The following RBFOX1 variants were observed in gnomAD, a reference collection of about 807,000 sequenced individuals.
RBFOX1 encodes the protein RNA binding protein fox-1 homolog 1.
Under a neutral mutation model 57.7 loss-of-function variants are expected in RBFOX1, and 8 were observed. The ratio of observed to expected loss-of-function variants is 0.14; its 90% CI spans 0.08 to 0.25. The LOEUF is 0.25. Among genes scored for constraint, RBFOX1 ranks in the 10% least tolerant of loss-of-function variants. The pLI is 1.00. For synonymous variants in RBFOX1, 326 were observed against 222.4 expected, an observed-to-expected ratio of 1.47 and a Z score of -4.15; for missense variants, 611 against 548.5, an observed-to-expected ratio of 1.11 and a Z score of -1.14.
intron 3 of RBFOX1, among the ~76,000 whole-genome samples, chr16:5,857,650 T>G (rs969356027): frequency 1.3e-5 from 2 of 152,136 alleles, no homozygotes; most frequent in African/African-American, 4.8e-5. Flanking sequence ...TACCTATTTT[T>G]TCCATTATAG....
chr16:6,996,385 A>G (rs1230939853), intron 3 of RBFOX1, among the ~76,000 whole-genome samples: 1 of 152,096 alleles, frequency 6.6e-6, no homozygotes, highest in East Asian at 1.9e-4. Context: ...GTGCATATAA[A>G]CATGTATGTG....
intron 3 of RBFOX1, among the ~76,000 whole-genome samples, chr16:6,941,863 G>C (rs942320504): frequency 6.6e-6 from 1 of 152,066 alleles, no homozygotes; most frequent in South Asian, 2.1e-4. Flanking sequence ...CTGGAGTGCA[G>C]TAAGTGCAAT....
At chr16:6,821,419 C>A (rs935684602) in intron 3 of RBFOX1, among the ~76,000 whole-genome samples, 9 of 152,162 alleles carry the variant, frequency 5.9e-5, no homozygotes, top group African/African-American at 1.7e-4. Flanking sequence ...TAACTGATAT[C>A]AATTATTTTT....
chr16:6,848,873 A>C (rs1419479847), intron 3 of RBFOX1, among the ~76,000 whole-genome samples: 1 of 152,188 alleles, frequency 6.6e-6, no homozygotes, highest in South Asian at 2.1e-4. Context: ...GTATTTCCTC[A>C]GGTGTCAAAG....
chr16:7,014,059 A>C (rs559615502), intron 3 of RBFOX1, among the ~76,000 whole-genome samples: 30 of 152,348 alleles, frequency 2.0e-4, no homozygotes, highest in Non-Finnish European at 3.8e-4. Flanking sequence ...GTATTCACTC[A>C]GTATATTAAA....
chr16:5,456,734 C>T (rs1328108178), intron 1 of RBFOX1, among the ~76,000 whole-genome samples: 1 of 152,188 alleles, frequency 6.6e-6, no homozygotes, highest in Non-Finnish European at 1.5e-5. Context: ...GGGGAACTTT[C>T]TTCCAACTAG....
chr16:7,258,708 T>C (rs962213538), intron 4 of RBFOX1, among the ~76,000 whole-genome samples: 6 of 152,202 alleles, frequency 3.9e-5, no homozygotes, highest in Admixed American at 3.9e-4. Flanking sequence ...GCTGTTCTAT[T>C]AGAGCCATTT....
At chr16:6,452,417 G>A (rs374420255) in intron 2 of RBFOX1, among the ~76,000 whole-genome samples, 9 of 130,346 alleles carry the variant, frequency 6.9e-5, no homozygotes, top group East Asian at 4.8e-4. Flanking sequence ...TTCCTTCCAC[G>A]TCTCTCTTCC....
chr16:6,008,603 A>T (rs990890102), intron 4 of RBFOX1, among the ~76,000 whole-genome samples: 1 of 152,200 alleles, frequency 6.6e-6, no homozygotes, highest in African/African-American at 2.4e-5. Context: ...CCAGAGCTTC[A>T]GCATGTGTAT....
intron 11 of RBFOX1, among the ~76,000 whole-genome samples, chr16:7,634,778 A>T (rs1333955003): frequency 6.6e-6 from 1 of 152,192 alleles, no homozygotes; most frequent in Non-Finnish European, 1.5e-5. Context: ...GTCACAGGTC[A>T]TCATGCATCC....
chr16:6,225,902 C>T (rs941474665), intron 1 of RBFOX1, among the ~76,000 whole-genome samples: 10 of 152,128 alleles, frequency 6.6e-5, no homozygotes, highest in African/African-American at 2.2e-4. Context: ...AACACTGAAG[C>T]CGTGCTTTTT....
chr16:5,873,601 G>A (rs2057533956), intron 4 of RBFOX1, among the ~76,000 whole-genome samples: 2 of 152,180 alleles, frequency 1.3e-5, no homozygotes, highest in Admixed American at 1.3e-4. Flanking sequence ...CACAATACTA[G>A]GCCTGGGAAT....
At chr16:6,815,443 C>T (rs372317593) in intron 3 of RBFOX1, among the ~76,000 whole-genome samples, 1 of 152,162 alleles carries the variant, frequency 6.6e-6, no homozygotes, top group African/African-American at 2.4e-5. Flanking sequence ...CACTCTGGTT[C>T]AAACACCTCT....
In RBFOX1 at chr16:7,081,232, G is replaced by A. The variant is rs536409022; in HGVS notation, c.27+29134G>A. Among the ~76,000 whole-genome samples the A allele has an allele frequency of 4.0e-4, 61 of 152,248 alleles. 1 individual carries two copies. The highest frequency in any genetic ancestry group is 1.3e-3 in the African/African-American group (54 of 41,538). On this transcript the variant is annotated intron_variant, in intron 4 of 15. Coordinates refer to ENST00000550418, the MANE Select transcript of RBFOX1 (RefSeq NM_018723.4). ...GTATTTTTAGTGGAGGCAGGGTTTC[G>A]CCATGTTGGCTGGGCTGGTCTTGAA...
chr16:6,937,046 A>G (rs1332545699), intron 3 of RBFOX1, among the ~76,000 whole-genome samples: 1 of 152,056 alleles, frequency 6.6e-6, no homozygotes, highest in African/African-American at 2.4e-5. Flanking sequence ...TACGTATGTA[A>G]CTAACCTGCA....
At chr16:7,443,027 C>G (rs563686669) in intron 4 of RBFOX1, among the ~76,000 whole-genome samples, 1 of 152,148 alleles carries the variant, frequency 6.6e-6, no homozygotes, top group Non-Finnish European at 1.5e-5. Context: ...AATTAACATC[C>G]TTTTTACTTT....
At chr16:7,567,718 ATAT>A (rs1399758645) in intron 5 of RBFOX1, among the ~76,000 whole-genome samples, 5 of 86,356 alleles carry the variant, frequency 5.8e-5, no homozygotes, top group East Asian at 2.7e-4. Flanking sequence ...CCCTATATAT[ATAT>A]ATCCCTATAT....
chr16:7,180,152 T>G (rs2082418551), intron 4 of RBFOX1, among the ~76,000 whole-genome samples: 1 of 152,140 alleles, frequency 6.6e-6, no homozygotes, highest in African/African-American at 2.4e-5. Context: ...ATTTTCTGCC[T>G]TGCAGAACTA....
intron 2 of RBFOX1, among the ~76,000 whole-genome samples, chr16:5,506,106 C>T (rs922866941): frequency 1.3e-5 from 2 of 152,260 alleles, no homozygotes; most frequent in Non-Finnish European, 2.9e-5. Context: ...CCCACACTGC[C>T]TCACACACCT....
Sources: allele counts gnomAD v4.1 joint callset (sites outside exome capture counted in the v4.1 genomes callset), GRCh38; gene constraint gnomAD v4.1.1; transcripts MANE v1.5; gene names NCBI Gene and HGNC (gene_info 2026-07-23, HGNC 2026-07-21).